CHDH: variants seen among roughly 807,000 people sequenced by gnomAD.
CHDH encodes the protein choline dehydrogenase.
A neutral mutation model predicts 56.9 loss-of-function variants in CHDH; 43 were observed. The observed-to-expected ratio is 0.76, with a 90% CI of 0.59 to 0.97. The LOEUF is 0.97. CHDH is among the 50% of genes least tolerant of loss of function. The probability of loss-of-function intolerance (pLI) is 0.00; values close to 1 mark genes in which losing one functional copy is unlikely to be tolerated. For synonymous variants in CHDH, 364 were observed against 348.5 expected, an observed-to-expected ratio of 1.04 and a Z score of -0.50; for missense variants, 816 against 821.1, an observed-to-expected ratio of 0.99 and a Z score of 0.08.
At chr3:53,821,856 G>A in intron 4 of CHDH, 80 bp from the exon 5 acceptor site, 1 of 1,551,968 alleles carries the variant, frequency 6.4e-7, no homozygotes, top group Non-Finnish European at 8.8e-7. Flanking sequence ...ACTCTAGCCA[G>A]CACCATGAGA....
In CHDH at chr3:53,822,630, C is replaced by T. The variant is rs769430353; in HGVS notation, c.716G>A (p.Ser239Asn). The change falls in exon 4 of 9, where the codon AGC (serine) becomes AAC (asparagine). Residue 239 changes from serine to asparagine, a missense_variant. Coordinates refer to ENST00000315251, the MANE Select transcript of CHDH (RefSeq NM_018397.5). ...DMTIHEGKRW[S>N]AACAYLHPAL... ...TGGGTGCAGGTAGGCACAGGCCGCG[C>T]TCCACCGTTTGCCTGCAGGATGGAG... 6.2e-7 allele frequency: 1 copy of T among 1,608,684 alleles called. No individual in the cohort carries two copies. Among genetic ancestry groups the T allele is most frequent in the South Asian group, 1.1e-5 (1 of 91,060 alleles).
intron 2 of CHDH, among the ~76,000 whole-genome samples, chr3:53,839,702 C>T (rs1332791517): frequency 6.6e-6 from 1 of 152,238 alleles, no homozygotes; most frequent in Non-Finnish European, 1.5e-5. Flanking sequence ...AACAATCCCA[C>T]TACTGGGCTG....
chr3:53,839,816 C>T (rs937581079), intron 2 of CHDH, among the ~76,000 whole-genome samples: 5 of 152,212 alleles, frequency 3.3e-5, no homozygotes, highest in African/African-American at 7.2e-5. Flanking sequence ...AACCTAAGTA[C>T]CCATTAATGG....
At chr3:53,820,288 C>A (rs2095623721) in intron 6 of CHDH, among the ~76,000 whole-genome samples, 186 bp downstream of exon 6, 1 of 152,220 alleles carries the variant, frequency 6.6e-6, no homozygotes, top group Non-Finnish European at 1.5e-5. Context: ...CTGGTCCTCG[C>A]TTCAACCTGT....
Position 53,819,763 on chromosome 3 carries a change from C to T in CHDH, c.1121-89G>A, listed in dbSNP as rs117099761. Reference sequence around the variant, plus strand: ...CCTGGTTTCCCTCCTTTCTCCTGGCCGCTCCTCTTCCTTTTCCCGGACTCC... The same window carrying T: ...CCTGGTTTCCCTCCTTTCTCCTGGCTGCTCCTCTTCCTTTTCCCGGACTCC... On this transcript the variant is annotated intron_variant, in intron 6 of 8. Coordinates refer to ENST00000315251, the MANE Select transcript of CHDH (RefSeq NM_018397.5). This position sits in a 1 kb window ranked among gnomAD's most constrained non-coding sequence, Gnocchi z 5.4. 7.7e-4 allele frequency: 1,090 copies of T among 1,419,230 alleles called. 12 individuals carry two copies. The East Asian group carries it at 0.024, about 31-fold the overall frequency. 87.9% of individuals were successfully genotyped at this position (1,419,230 alleles called of 1,614,324 possible). A position where few individuals can be genotyped will look rare whatever the true frequency, so the allele number is the denominator to read the frequency against.
rs1308283616 is a variant in CHDH, at chr3:53,819,803, A to AC, written c.1121-130dup. ...TCCCGGACTCCACTCTAGTGCCTGG[A>AC]CCCAAGTCCTGTCCACATCTGTTCA... On this transcript the variant is annotated intron_variant, in intron 6 of 8. Coordinates refer to ENST00000315251, the MANE Select transcript of CHDH (RefSeq NM_018397.5). The surrounding 1 kb of genome is among the most constrained non-coding windows in gnomAD (Gnocchi z 5.4). The AC allele has an allele frequency of 1.8e-6, 2 of 1,127,038 alleles. No homozygotes were observed. Among genetic ancestry groups the AC allele is most frequent in the Non-Finnish European group, 2.5e-6 (2 of 813,882 alleles). 69.8% of individuals were successfully genotyped at this position (1,127,038 alleles called of 1,614,324 possible).
chr3:53,843,992 T>A (rs1698763728), intron 1 of CHDH, among the ~76,000 whole-genome samples: 1 of 152,204 alleles, frequency 6.6e-6, no homozygotes, highest in South Asian at 2.1e-4. Context: ...GGCATGGCCT[T>A]CTGAGCTAGG....
intron 2 of CHDH, among the ~76,000 whole-genome samples, chr3:53,836,598 G>A (rs1188405171): frequency 6.6e-6 from 1 of 152,222 alleles, no homozygotes; most frequent in South Asian, 2.1e-4. Flanking sequence ...GATGAGCTGT[G>A]GAAAGCCCAC....
chr3:53,842,984 C>G (rs544747834), intron 1 of CHDH, among the ~76,000 whole-genome samples: 50 of 152,258 alleles, frequency 3.3e-4, no homozygotes, highest in Admixed American at 5.9e-4. Flanking sequence ...GTTGACCAGC[C>G]AGGGCCTTGA....
chr3:53,823,895 C>G lies in CHDH; in HGVS notation c.114G>C (p.Arg38=). The G allele has an allele frequency of 6.3e-7, 1 of 1,580,470 alleles. No individual in the cohort carries two copies. The highest frequency in any genetic ancestry group is 8.5e-7 in the Non-Finnish European group (1 of 1,172,068). ...CCACCACCACATAGCTGTACTCGTC[C>G]CGGCTCTCAGAGCCTGCGCTGGCCA... ...RALASAGSES[R]DEYSYVVVGA... The change falls in exon 3 of 9, where the codon CGG becomes CGC. Residue 38 remains arginine, a synonymous_variant. Transcript: ENST00000315251.
At chr3:53,829,855 A>T (rs978307672) in intron 2 of CHDH, among the ~76,000 whole-genome samples, 2 of 152,200 alleles carry the variant, frequency 1.3e-5, no homozygotes, top group African/African-American at 4.8e-5. Context: ...AAGCTCCATT[A>T]TGTGAGCAAT....
intron 2 of CHDH, among the ~76,000 whole-genome samples, chr3:53,829,748 T>A (rs766687612): frequency 1.3e-5 from 2 of 152,166 alleles, no homozygotes; most frequent in Non-Finnish European, 2.9e-5. Flanking sequence ...CGTGTGGGAT[T>A]CTCACCTTGA....
chr3:53,817,745 G>C lies in CHDH; in HGVS notation c.*32C>G. ...GCTGGCCCTCTTGGCTTATCAGGGG[G>C]CTTCCCTGGTCATCCTCCAGCAGCA... is the stretch of plus-strand genomic sequence containing the variant. On this transcript the variant is annotated 3_prime_UTR_variant, in exon 9 of 9. Coordinates refer to ENST00000315251, the MANE Select transcript of CHDH (RefSeq NM_018397.5). The C allele has an allele frequency of 6.4e-7, 1 of 1,551,636 alleles. No homozygotes were observed. The highest frequency in any genetic ancestry group is 2.3e-5 in the East Asian group (1 of 44,386).
In CHDH at chr3:53,816,145, C is replaced by CTG. The variant is rs1248074712; in HGVS notation, c.*1631_*1632insCA. 2 of 109,466 alleles carry CTG rather than the reference C, an allele frequency of 1.8e-5. No homozygotes were observed. The highest frequency in any genetic ancestry group is 9.9e-5 in the Admixed American group (1 of 10,152). The allele number at this position is 109,466 out of a possible 1,614,324, so 6.8% of individuals were successfully genotyped here. ...GTGGCTGTCGGACGCCCCCCCCCCC[C>CTG]GCCCCAGTCTGTAAGCCGCCCCAAT... is the stretch of plus-strand genomic sequence containing the variant. On this transcript the variant is annotated 3_prime_UTR_variant, in exon 9 of 9. Coordinates refer to ENST00000315251, the MANE Select transcript of CHDH (RefSeq NM_018397.5).
At position 53,823,406 on chromosome 3, in the gene CHDH, T is replaced by C. The variant is rs370843714; in HGVS notation, c.603A>G (p.Ala201=). Residue 201 remains alanine, a synonymous_variant, in exon 3 of 9, where the codon GCA becomes GCG. Transcript: ENST00000315251. ...CGGCCTGCTGCGTGGCCTCCAGGAATGCGCAGTGCAGCGGGTGGTTGGTCT... is the reference window on the plus strand; with the variant it reads ...CGGCCTGCTGCGTGGCCTCCAGGAACGCGCAGTGCAGCGGGTGGTTGGTCT... The part of the protein sequence containing the change: ...RGKTNHPLHC[A]FLEATQQAGY... The C allele has an allele frequency of 3.7e-6, 6 of 1,601,278 alleles. No individual in the cohort carries two copies. The highest frequency in any genetic ancestry group is 5.1e-6 in the Non-Finnish European group (6 of 1,173,988).
Position 53,823,695 on chromosome 3 carries a change from C to T in CHDH, c.314G>A (p.Trp105Ter), listed in dbSNP as rs1026215497. 2.6e-5 allele frequency: 40 copies of T among 1,549,476 alleles called. No homozygotes were observed. The highest frequency in any genetic ancestry group is 3.0e-5 in the Non-Finnish European group (34 of 1,147,590). ...VANLCDDRYN[W>*]CYHTEVQRGL... ...CCGCTGCACCTCTGTGTGGTAGCAC[C>T]AGTTGTACCTGTCGTCGCACAGGTT... Residue 105 changes from tryptophan (W) to a stop codon, truncating the protein, a stop_gained, in exon 3 of 9, where the codon TGG (tryptophan) becomes TAG (stop). Coordinates refer to ENST00000315251, the MANE Select transcript of CHDH (RefSeq NM_018397.5). LOFTEE classifies it high-confidence loss of function.
chr3:53,828,795 G>T (rs1352142200), intron 2 of CHDH, among the ~76,000 whole-genome samples: 1 of 152,228 alleles, frequency 6.6e-6, no homozygotes, highest in African/African-American at 2.4e-5. Context: ...TTCATAGCTG[G>T]TGGGAGTGCT....
At chr3:53,844,278 C>T (rs1003196118) in intron 1 of CHDH, among the ~76,000 whole-genome samples, 13 of 152,202 alleles carry the variant, frequency 8.5e-5, no homozygotes, top group African/African-American at 3.1e-4. Context: ...CTCCAGACCA[C>T]CCTCACCTGA....
In CHDH at chr3:53,813,302, G is replaced by A. The variant is rs1032790385; in HGVS notation, c.*4475C>T. 2.0e-5 allele frequency: 3 copies of A among 152,120 alleles called. No homozygotes were observed. Among genetic ancestry groups the A allele is most frequent in the African/African-American group, 4.8e-5 (2 of 41,412 alleles). 9.4% of individuals were successfully genotyped at this position (152,120 alleles called of 1,614,324 possible). A position where few individuals can be genotyped will look rare whatever the true frequency, so the allele number is the denominator to read the frequency against. On this transcript the variant is annotated 3_prime_UTR_variant, in exon 9 of 9. Transcript: ENST00000315251. ...TTATTAAAATGCAAAATGTTCTTCA[G>A]AATAAAACTGTGTAATAATTTTTAT...
Sources: gnomAD v4.1 joint callset for allele counts (sites outside exome capture counted in the v4.1 genomes callset) on GRCh38, gnomAD v4.1.1 for gene constraint, Gnocchi (gnomAD v3.1) non-coding constraint, MANE v1.5 for transcripts, NCBI Gene and HGNC (gene_info 2026-07-23, HGNC 2026-07-21) for gene names.